RELN: variants seen among roughly 807,000 people sequenced by gnomAD.
RELN encodes reelin.
Under a neutral mutation model 427.6 loss-of-function variants are expected in RELN, and 108 were observed. The observed-to-expected ratio is 0.25, with a 90% CI of 0.22 to 0.30. The LOEUF is 0.30. RELN is among the 10% of genes least tolerant of loss of function. RELN has a pLI of 1.00. For missense variants in RELN, 3,715 were observed against 4,302.8 expected, an observed-to-expected ratio of 0.86 and a Z score of 3.82; for synonymous variants, 1,524 against 1,513.4, an observed-to-expected ratio of 1.01 and a Z score of -0.16.
chr7:103,854,712 G>A (rs1177582891), intron 2 of RELN, among the ~76,000 whole-genome samples: 1 of 152,164 alleles, frequency 6.6e-6, no homozygotes, highest in Non-Finnish European at 1.5e-5. Flanking sequence ...CTTGATTTGA[G>A]TCTACTGCGG....
intron 48 of RELN, among the ~76,000 whole-genome samples, chr7:103,521,617 G>A (rs1263478832): frequency 6.6e-6 from 1 of 152,128 alleles, no homozygotes; most frequent in Non-Finnish European, 1.5e-5. Context: ...CCATGCAGAT[G>A]GAAGATTGCA....
chr7:103,480,685 C>T (rs996078), intron 63 of RELN, among the ~76,000 whole-genome samples: 4,060 of 152,210 alleles, frequency 0.027, 63 homozygotes, highest in African/African-American at 0.048. Context: ...TTTGAAATGT[C>T]ATTAAAGAGA....
At chr7:103,800,768 G>T (rs1384507864) in intron 3 of RELN, among the ~76,000 whole-genome samples, 2 of 152,140 alleles carry the variant, frequency 1.3e-5, no homozygotes, top group Non-Finnish European at 2.9e-5. Flanking sequence ...CACAGCAAAA[G>T]AAACTACCAT....
Position 103,542,796 on chromosome 7 carries a change from G to A in RELN, c.6606C>T (p.Asn2202=), listed in dbSNP as rs764184359. ...GCAAGCCATCTTCATTGAAAAAGAG[G>A]TTGTTTCCACTAGAAAGGATTCCAC... ...RKCGILSSGN[N]LFFNEDGLRM... is the part of the protein sequence containing the mutation. The change falls in exon 43 of 65, where the codon AAC becomes AAT. Residue 2202 remains asparagine (N), a synonymous_variant. Coordinates refer to ENST00000428762, the MANE Select transcript of RELN (RefSeq NM_005045.4). The A allele has an allele frequency of 6.2e-7, 1 of 1,614,072 alleles. No individual in the cohort carries two copies.
At chr7:103,639,613 T>C (rs1383015594) in intron 17 of RELN, among the ~76,000 whole-genome samples, 1 of 152,050 alleles carries the variant, frequency 6.6e-6, no homozygotes, top group Non-Finnish European at 1.5e-5. Flanking sequence ...TTGGCCAGGC[T>C]GGTCTCGAAC....
At chr7:103,590,580 A>T (rs1831388976) in intron 27 of RELN, among the ~76,000 whole-genome samples, 1 of 150,756 alleles carries the variant, frequency 6.6e-6, no homozygotes, top group African/African-American at 2.5e-5. Flanking sequence ...AAATAAATAA[A>T]TAAATAAATA....
At chr7:103,929,478 C>T (rs534982736) in intron 1 of RELN, among the ~76,000 whole-genome samples, 1 of 152,264 alleles carries the variant, frequency 6.6e-6, no homozygotes, top group African/African-American at 2.4e-5. Flanking sequence ...AGGAGACGTA[C>T]AGAGTTAGGT....
intron 1 of RELN, among the ~76,000 whole-genome samples, chr7:103,956,659 ATCT>A (rs1263306658): frequency 6.6e-6 from 1 of 152,224 alleles, no homozygotes; most frequent in African/African-American, 2.4e-5. Context: ...TCGTGTTTAC[ATCT>A]TCTCCCAAAA....
At chr7:103,656,576 T>C (rs551871792) in intron 12 of RELN, among the ~76,000 whole-genome samples, 19 of 152,192 alleles carry the variant, frequency 1.2e-4, no homozygotes, top group African/African-American at 4.6e-4. Flanking sequence ...GTTTTACAGG[T>C]AGATCAAATT....
At chr7:103,645,421 T>A (rs1454097471) in intron 16 of RELN, among the ~76,000 whole-genome samples, 1 of 151,224 alleles carries the variant, frequency 6.6e-6, no homozygotes, top group Non-Finnish European at 1.5e-5. Flanking sequence ...AGACTAAAGA[T>A]AAAGGGATGG....
At chr7:103,508,859 T>C (rs182936588) in intron 51 of RELN, among the ~76,000 whole-genome samples, 37 of 142,690 alleles carry the variant, frequency 2.6e-4, no homozygotes, top group Admixed American at 8.4e-4. Flanking sequence ...TGTACACCAA[T>C]AACAGAGAGT....
intron 1 of RELN, among the ~76,000 whole-genome samples, chr7:103,982,646 A>T (rs2116845374): frequency 6.6e-6 from 1 of 152,240 alleles, no homozygotes; most frequent in Middle Eastern, 3.4e-3. Flanking sequence ...AGAGAGAGGA[A>T]GAGAAGATGA....
intron 1 of RELN, among the ~76,000 whole-genome samples, chr7:103,946,357 C>A (rs1398282202): frequency 1.3e-5 from 2 of 152,048 alleles, no homozygotes; most frequent in African/African-American, 4.8e-5. Flanking sequence ...TTTAATTTTT[C>A]ATTCTGCTCT....
chr7:103,565,585 T>A (rs544078433), intron 33 of RELN, 34 bp from the exon 34 acceptor site: 1 of 1,601,424 alleles, frequency 6.2e-7, no homozygotes, highest in Non-Finnish European at 8.5e-7. Flanking sequence ...GTAGCATATA[T>A]GTGTGCCATT....
At chr7:103,766,299 A>G (rs1215145115) in intron 4 of RELN, among the ~76,000 whole-genome samples, 1 of 152,208 alleles carries the variant, frequency 6.6e-6, no homozygotes, top group Non-Finnish European at 1.5e-5. Flanking sequence ...TTGACTAGCA[A>G]ATGCTTAACA....
chr7:103,504,273 GAAA>G (rs1829135380), intron 51 of RELN: 1 of 152,066 alleles, frequency 6.6e-6, no homozygotes, highest in Admixed American at 6.5e-5. Flanking sequence ...TGGGTAAGAG[GAAA>G]AAAAGTAGAA....
chr7:103,823,145 T>C (rs1793050643), intron 3 of RELN, among the ~76,000 whole-genome samples: 1 of 152,074 alleles, frequency 6.6e-6, no homozygotes, highest in Non-Finnish European at 1.5e-5. Flanking sequence ...GATATTAATA[T>C]AGTAACAGTA....
intron 11 of RELN, among the ~76,000 whole-genome samples, chr7:103,674,853 C>T (rs2115649070): frequency 6.6e-6 from 1 of 152,250 alleles, no homozygotes; most frequent in South Asian, 2.1e-4. Context: ...ATACTAAAAA[C>T]TCTCAATAAA....
chr7:103,801,070 G>C (rs927553564), intron 3 of RELN, among the ~76,000 whole-genome samples: 49 of 152,168 alleles, frequency 3.2e-4, no homozygotes, highest in African/African-American at 1.2e-3. Context: ...TCACTAAAAA[G>C]TCAGGAAACA....
Sources: gnomAD v4.1 joint callset for allele counts (sites outside exome capture counted in the v4.1 genomes callset) on GRCh38, gnomAD v4.1.1 for gene constraint, MANE v1.5 for transcripts, NCBI Gene and HGNC (gene_info 2026-07-23, HGNC 2026-07-21) for gene names.